The following BICRA variants were observed in gnomAD, a reference collection of about 807,000 sequenced individuals.
The protein encoded by BICRA is BRD4-interacting chromatin-remodeling complex-associated protein.
Under a neutral mutation model 96.9 loss-of-function variants are expected in BICRA, and 31 were observed. The observed-to-expected ratio is 0.32, with a 90% CI of 0.24 to 0.43. The LOEUF (loss-of-function observed/expected upper bound fraction) is 0.43. Ranked by LOEUF, BICRA falls within the 20% of genes least tolerant of loss-of-function variation. The pLI, the probability that BICRA is intolerant of heterozygous loss-of-function variation, is 1.00. For synonymous variants in BICRA, 1,350 were observed against 1,071.8 expected (o/e 1.26, Z -5.07); for missense variants, 2,283 against 2,190.3 (o/e 1.04, Z -0.84).
intron 1 of BICRA, among the ~76,000 whole-genome samples, chr19:47,615,375 T>A (rs140267657): frequency 6.6e-6 from 1 of 152,206 alleles, no homozygotes; most frequent in Non-Finnish European, 1.5e-5. Context: ...GCTGCACGTG[T>A]CTTTGCCTCA....
intron 11 of BICRA, among the ~76,000 whole-genome samples, chr19:47,696,784 C>T (rs1347551503): frequency 6.6e-6 from 1 of 152,096 alleles, no homozygotes; most frequent in East Asian, 1.9e-4. Context: ...TTGCTGTGCC[C>T]TCCATGTCTC....
intron 11 of BICRA, among the ~76,000 whole-genome samples, chr19:47,697,036 T>A (rs1973356130): frequency 6.6e-6 from 1 of 151,942 alleles, no homozygotes; most frequent in African/African-American, 2.4e-5. Context: ...AGCCAGAATC[T>A]TACTCTGTCA....
rs201144281 is a variant in BICRA, at chr19:47,681,942, G to A, written c.2107-34G>A. 508 of 1,481,916 alleles carry A rather than the reference G, an allele frequency of 3.4e-4. 1 individual carries two copies. The East Asian group carries it at 8.6e-3, about 25-fold the overall frequency. 91.8% of individuals were successfully genotyped at this position (1,481,916 alleles called of 1,614,324 possible). ...GGGGAGGTCGAGGGCCTGTGGGGGC[G>A]GCTTTCTGATCCTGTGCGGGCTGCC... On this transcript the variant is annotated intron_variant, in intron 6 of 14. Transcript: ENST00000594866.
At chr19:47,668,979 G>A (rs1004631139) in intron 1 of BICRA, among the ~76,000 whole-genome samples, 13 of 151,954 alleles carry the variant, frequency 8.6e-5, no homozygotes, top group African/African-American at 2.7e-4. Flanking sequence ...AGTGGCAGGT[G>A]CCTTATCCCA....
chr19:47,642,882 G>A (rs1972404720), intron 1 of BICRA, among the ~76,000 whole-genome samples: 1 of 152,204 alleles, frequency 6.6e-6, no homozygotes, highest in Non-Finnish European at 1.5e-5. Flanking sequence ...TCTCATTATG[G>A]TTGTAGTTTT....
intron 1 of BICRA, among the ~76,000 whole-genome samples, chr19:47,656,254 C>G (rs1972617237): frequency 7.8e-6 from 1 of 128,726 alleles, no homozygotes; most frequent in Admixed American, 8.0e-5. Context: ...GAGACCCTGT[C>G]TCAAAAAAAC....
At chr19:47,686,690 G>T (rs1423246108) in intron 7 of BICRA, among the ~76,000 whole-genome samples, 1 of 152,096 alleles carries the variant, frequency 6.6e-6, no homozygotes, top group Non-Finnish European at 1.5e-5. Context: ...AGCCTCTACT[G>T]TTCTTTTTAA....
chr19:47,630,222 G>A (rs868051531), intron 1 of BICRA, among the ~76,000 whole-genome samples: 3 of 146,364 alleles, frequency 2.0e-5, no homozygotes, highest in Admixed American at 6.9e-5. Flanking sequence ...GTGCAGTGGC[G>A]CAATCTCGGC....
chr19:47,643,405 C>CT (rs1403026376), intron 1 of BICRA, among the ~76,000 whole-genome samples: 1 of 152,244 alleles, frequency 6.6e-6, no homozygotes, highest in Non-Finnish European at 1.5e-5. Context: ...GAATGTGGCT[C>CT]TTTCTGCATC....
chr19:47,634,525 G>C (rs1006994618), intron 1 of BICRA, among the ~76,000 whole-genome samples: 5 of 152,116 alleles, frequency 3.3e-5, no homozygotes, highest in Admixed American at 6.6e-5. Context: ...ACCACTTTGC[G>C]AAACTCACTA....
intron 1 of BICRA, among the ~76,000 whole-genome samples, chr19:47,646,092 T>TAAAAA: frequency 6.6e-6 from 1 of 151,934 alleles, no homozygotes; most frequent in Non-Finnish European, 1.5e-5. Flanking sequence ...AGTGAGACCC[T>TAAAAA]GTCTCCAAAA....
intron 1 of BICRA, among the ~76,000 whole-genome samples, chr19:47,661,206 T>C (rs1469315840): frequency 2.2e-4 from 3 of 13,820 alleles, no homozygotes; most frequent in Non-Finnish European, 2.5e-4. Flanking sequence ...TGAGCGAGAC[T>C]CCGTCTCAAA....
In BICRA at chr19:47,615,519, G is replaced by C. The variant is rs369764364; in HGVS notation, c.-108+6351G>C. On this transcript the variant is annotated intron_variant, in intron 1 of 14. Coordinates refer to ENST00000594866, the MANE Select transcript of BICRA (RefSeq NM_001394372.1). ...GCCTGTTGGTTCTAATCCCAGTTCT[G>C]CTATTTGCTGGCTGAATGGCTGTGG... Among the ~76,000 whole-genome samples the C allele has an allele frequency of 4.7e-4, 72 of 152,330 alleles. 3 individuals are homozygous for C. The South Asian group carries it at 0.012, about 26-fold the overall frequency.
At chr19:47,659,136 A>G (rs1354688001) in intron 1 of BICRA, among the ~76,000 whole-genome samples, 1 of 152,232 alleles carries the variant, frequency 6.6e-6, no homozygotes, top group East Asian at 1.9e-4. Context: ...GAGAAGATGC[A>G]TAAAACATTT....
chr19:47,700,794 A>AC (rs146822835), intron 14 of BICRA: 37,682 of 154,918 alleles, frequency 0.24, 4,645 homozygotes, highest in East Asian at 0.33. Context: ...ACTGTCTCAA[A>AC]AAAACAAACA....
intron 1 of BICRA, among the ~76,000 whole-genome samples, chr19:47,629,282 C>T (rs866670117): frequency 2.0e-5 from 3 of 151,934 alleles, no homozygotes; most frequent in South Asian, 2.1e-4. Context: ...GGATTACAGG[C>T]GTGAGCCACC....
intron 1 of BICRA, among the ~76,000 whole-genome samples, chr19:47,658,410 G>A (rs141694760): frequency 9.8e-4 from 149 of 152,210 alleles, no homozygotes; most frequent in African/African-American, 3.5e-3. Flanking sequence ...CTTCTAGGCC[G>A]GGCATGGTGG....
At chr19:47,656,215 C>T (rs1222165555) in intron 1 of BICRA, among the ~76,000 whole-genome samples, 1 of 151,962 alleles carries the variant, frequency 6.6e-6, no homozygotes, top group Non-Finnish European at 1.5e-5. Flanking sequence ...GTTCTTTTCA[C>T]ACCACTGCAC....
At chr19:47,639,114 C>T (rs977806716) in intron 1 of BICRA, among the ~76,000 whole-genome samples, 1 of 151,964 alleles carries the variant, frequency 6.6e-6, no homozygotes, top group African/African-American at 2.4e-5. Flanking sequence ...AGTGATCCTC[C>T]CATCTCAGCC....
Sources: gnomAD v4.1 joint callset for allele counts (sites outside exome capture counted in the v4.1 genomes callset) on GRCh38, gnomAD v4.1.1 for gene constraint, MANE v1.5 for transcripts, NCBI Gene and HGNC (gene_info 2026-07-23, HGNC 2026-07-21) for gene names.